Variants in PCDH15 observed in about 807,000 individuals in gnomAD.
PCDH15 encodes the protein protocadherin-15.
Under a neutral mutation model 178.5 loss-of-function variants are expected in PCDH15, and 129 were observed. The observed-to-expected ratio is 0.72, with a 90% confidence interval of 0.63 to 0.84. PCDH15 has a LOEUF of 0.84. Ranked by LOEUF, PCDH15 falls within the 40% of genes least tolerant of loss-of-function variation. The probability of loss-of-function intolerance (pLI) is 0.00; values close to 1 mark genes in which losing one functional copy is unlikely to be tolerated. For synonymous variants in PCDH15, 800 were observed against 732.0 expected (o/e 1.09, Z -1.50); for missense variants, 2,230 against 2,099.9 (o/e 1.06, Z -1.21).
intron 1 of PCDH15, among the ~76,000 whole-genome samples, chr10:54,715,074 T>C (rs973637582): frequency 1.3e-5 from 2 of 152,248 alleles, no homozygotes; most frequent in Admixed American, 1.3e-4. Context: ...CATTTTTTTT[T>C]CTCCAAGAGT....
At chr10:54,003,823 G>A (rs1457525110) in intron 20 of PCDH15, among the ~76,000 whole-genome samples, 1 of 140,768 alleles carries the variant, frequency 7.1e-6, no homozygotes, top group African/African-American at 2.6e-5. Context: ...ACCAAAGCTA[G>A]ACAAAGAGAC....
chr10:55,190,985 G>C (rs956008289), intron 1 of PCDH15, among the ~76,000 whole-genome samples: 11 of 151,690 alleles, frequency 7.3e-5, no homozygotes, highest in Admixed American at 7.2e-4. Flanking sequence ...TATTTTGACA[G>C]ATGTCTTATA....
At chr10:54,547,711 T>C (rs1271782280) in intron 2 of PCDH15, among the ~76,000 whole-genome samples, 1 of 152,150 alleles carries the variant, frequency 6.6e-6, no homozygotes, top group Non-Finnish European at 1.5e-5. Flanking sequence ...TAATTTTTAT[T>C]TGTATTATGA....
intron 2 of PCDH15, among the ~76,000 whole-genome samples, chr10:54,633,153 G>A (rs2093749210): frequency 6.6e-6 from 1 of 152,014 alleles, no homozygotes; most frequent in Non-Finnish European, 1.5e-5. Flanking sequence ...TTCTGTGGAA[G>A]GAGTTAAATG....
chr10:54,550,547 A>AT (rs1214853597), intron 2 of PCDH15, among the ~76,000 whole-genome samples: 5 of 151,222 alleles, frequency 3.3e-5, no homozygotes, highest in African/African-American at 7.3e-5. Flanking sequence ...TGTTTGTTGT[A>AT]TTTTTTTCTG....
At position 54,857,198 on chromosome 10, in the gene PCDH15, T is replaced by C. The variant is rs184460252; in HGVS notation, c.-29+40252A>G. Among the ~76,000 whole-genome samples the C allele has an allele frequency of 3.2e-3, 484 of 152,218 alleles. 1 individual carries two copies. The highest frequency in any genetic ancestry group is 0.01 in the Middle Eastern group (3 of 294). On this transcript the variant is annotated intron_variant, in intron 3 of 5. Coordinates refer to the PCDH15 transcript ENST00000458638. ...AATCTGGAAAATAAGCACTCAGATA[T>C]TTGCTAAATAACAGAAGAGTCATAA...
chr10:54,278,834 T>C (rs1466695318), intron 8 of PCDH15, among the ~76,000 whole-genome samples: 1 of 151,642 alleles, frequency 6.6e-6, no homozygotes, highest in Non-Finnish European at 1.5e-5. Flanking sequence ...ATTCTATTTG[T>C]TCAGCATGCC....
In PCDH15 at chr10:55,005,072, A is replaced by T. The variant is rs190613019; in HGVS notation, c.-79-107572T>A. Among the ~76,000 whole-genome samples, 6 of 152,110 alleles carry T rather than the reference A, an allele frequency of 3.9e-5. No homozygotes were observed. In the East Asian group the frequency reaches 1.2e-3, roughly 30 times the overall value. ...AGTGTTGAAACCATTTTTAGTTTCT[A>T]TCAATAATAATGAATGGAGCGAGGG... On this transcript the variant is annotated intron_variant, in intron 2 of 5. Coordinates refer to the PCDH15 transcript ENST00000458638.
Position 54,471,652 on chromosome 10 carries a change from A to AT in PCDH15, c.157+56159dup, listed in dbSNP as rs763571403. Among the ~76,000 whole-genome samples, 1,196 of 149,022 alleles carry AT rather than the reference A, an allele frequency of 8.0e-3. 11 individuals carry two copies. The highest frequency in any genetic ancestry group is 0.023 in the Admixed American group (345 of 14,958). On this transcript the variant is annotated intron_variant, in intron 3 of 37. Coordinates refer to ENST00000644397, the MANE Select transcript of PCDH15 (RefSeq NM_001384140.1). ...TTTTAAATTTTATTTATATTTTTTG[A>AT]TTTTTTTTTTACTATAGAATATAGT...
chr10:54,748,242 T>C (rs1363610737), intron 1 of PCDH15, among the ~76,000 whole-genome samples: 3 of 152,150 alleles, frequency 2.0e-5, no homozygotes, highest in Non-Finnish European at 4.4e-5. Flanking sequence ...GCACATTAAT[T>C]TTATGATAAT....
At chr10:54,594,427 C>A (rs1327565199) in intron 2 of PCDH15, among the ~76,000 whole-genome samples, 7 of 152,116 alleles carry the variant, frequency 4.6e-5, no homozygotes, top group African/African-American at 1.4e-4. Flanking sequence ...GGTGTGCTGT[C>A]TTCTCTTTGG....
At chr10:53,979,022 C>T (rs1301310556) in intron 21 of PCDH15, among the ~76,000 whole-genome samples, 1 of 152,148 alleles carries the variant, frequency 6.6e-6, no homozygotes, top group Non-Finnish European at 1.5e-5. Context: ...CCAAACTGTT[C>T]CAACCTCTGC....
chr10:55,199,267 G>A lies in PCDH15; in HGVS notation c.-155-32616C>T, dbSNP rs575663799. Among the ~76,000 whole-genome samples, 29 of 152,190 alleles carry A rather than the reference G, an allele frequency of 1.9e-4. No individual in the cohort carries two copies. The South Asian group carries it at 2.3e-3, about 12-fold the overall frequency. ...GGAGATGAAAAAGTTATTGGGAAACGGAGCAAAGATCACTCTTGCTATGCT... is the reference window on the plus strand; with the variant it reads ...GGAGATGAAAAAGTTATTGGGAAACAGAGCAAAGATCACTCTTGCTATGCT... On this transcript the variant is annotated intron_variant, in intron 1 of 5. Transcript: ENST00000458638.
intron 8 of PCDH15, among the ~76,000 whole-genome samples, chr10:54,314,017 C>T (rs2086871326): frequency 6.6e-6 from 1 of 152,054 alleles, no homozygotes; most frequent in Non-Finnish European, 1.5e-5. Context: ...TATACCTTCT[C>T]TTGGGGTCCC....
intron 2 of PCDH15, among the ~76,000 whole-genome samples, chr10:55,325,518 G>A (rs1215596473): frequency 4.6e-5 from 7 of 152,052 alleles, no homozygotes; most frequent in African/African-American, 9.7e-5. Context: ...CTAACTATAC[G>A]CAGAAGATCA....
rs1591923295 is a variant in PCDH15 at position 55,127,111 on chromosome 10, T to C, written c.-80+39465A>G. Among the ~76,000 whole-genome samples the C allele has an allele frequency of 2.6e-5, 4 of 152,036 alleles. No individual in the cohort carries two copies. The South Asian group carries it at 8.3e-4, about 32-fold the overall frequency. On this transcript the variant is annotated intron_variant, in intron 2 of 5. Coordinates refer to the PCDH15 transcript ENST00000458638. ...TGCAACTAACTGACAATCTCACTAC[T>C]CATGTGCTTTTCTGCTCGATTATCC... is the stretch of plus-strand genomic sequence containing the variant.
intron 13 of PCDH15, among the ~76,000 whole-genome samples, chr10:54,173,665 A>C (rs2047127569): frequency 6.6e-6 from 1 of 152,200 alleles, no homozygotes; most frequent in African/African-American, 2.4e-5. Flanking sequence ...ATATTTATTA[A>C]AGGTCAATGT....
intron 3 of PCDH15, among the ~76,000 whole-genome samples, chr10:54,379,384 AAGT>A (rs767458677): frequency 3.3e-5 from 5 of 152,160 alleles, no homozygotes; most frequent in Non-Finnish European, 5.9e-5. Context: ...GATTTTTAAA[AAGT>A]AGCTGAGCCT....
At chr10:54,675,667 T>C (rs1565914597) in intron 1 of PCDH15, among the ~76,000 whole-genome samples, 1 of 152,182 alleles carries the variant, frequency 6.6e-6, no homozygotes, top group Non-Finnish European at 1.5e-5. Flanking sequence ...TATTTTGCGA[T>C]AATCCTTAGC....
Sources: gnomAD v4.1 joint callset for allele counts (sites outside exome capture counted in the v4.1 genomes callset) on GRCh38, gnomAD v4.1.1 for gene constraint, MANE v1.5 for transcripts, NCBI Gene and HGNC (gene_info 2026-07-23, HGNC 2026-07-21) for gene names.